Variants in DDHD1 observed in about 807,000 individuals in gnomAD.
DDHD1 encodes the protein phospholipase DDHD1.
A neutral mutation model predicts 96.4 loss-of-function variants in DDHD1; 49 were observed. The observed-to-expected ratio is 0.51, with a 90% CI of 0.40 to 0.64. The LOEUF (loss-of-function observed/expected upper bound fraction) is 0.64. Among genes scored for constraint, DDHD1 ranks in the 30% least tolerant of loss-of-function variants. The pLI, the probability that DDHD1 is intolerant of heterozygous loss-of-function variation, is 0.00. For synonymous variants in DDHD1, 442 were observed against 446.5 expected (o/e 0.99, Z 0.13); for missense variants, 1,106 against 1,161.2 (o/e 0.95, Z 0.69).
intron 1 of DDHD1, among the ~76,000 whole-genome samples, chr14:53,113,046 A>G (rs533453276): frequency 2.5e-4 from 38 of 151,878 alleles, no homozygotes; most frequent in African/African-American, 8.9e-4. Flanking sequence ...TGCAACCTCC[A>G]CCTCCCAGGT....
In DDHD1 at chr14:53,061,179, G is replaced by T. The variant is rs140385346; in HGVS notation, c.1789C>A (p.Leu597Ile). 1.2e-6 allele frequency: 2 copies of T among 1,611,168 alleles called. No individual in the cohort carries two copies. The highest frequency in any genetic ancestry group is 2.7e-5 in the African/African-American group (2 of 74,718). ...KRRLKEIEER[L>I]HGLKASSMTQ... ...ATAGATGATGCTTTCAATCCGTGAA[G>T]CCGTTCTTCTATTTCCTTCAGCCTA... The change falls in exon 8 of 13, where the codon CTT becomes ATT. Residue 597 changes from leucine to isoleucine, a missense_variant. By Grantham distance (5) the Leu-to-Ile change is conservative (BLOSUM62 2). Coordinates refer to ENST00000673822, the MANE Select transcript of DDHD1 (RefSeq NM_001160148.2).
At chr14:53,084,789 G>GC (rs1885787932) in intron 4 of DDHD1, among the ~76,000 whole-genome samples, 3 of 152,212 alleles carry the variant, frequency 2.0e-5, no homozygotes, top group Admixed American at 1.3e-4. Context: ...AGTGGGTGCA[G>GC]CCCATGGAGG....
intron 1 of DDHD1, among the ~76,000 whole-genome samples, chr14:53,132,712 TA>T: frequency 6.6e-6 from 1 of 152,308 alleles, no homozygotes; most frequent in Middle Eastern, 3.4e-3. Context: ...GCCTCTTTAA[TA>T]AAAACTCTTC....
chr14:53,118,292 C>G (rs1410581690), intron 1 of DDHD1, among the ~76,000 whole-genome samples: 3 of 152,130 alleles, frequency 2.0e-5, no homozygotes, highest in Non-Finnish European at 2.9e-5. Flanking sequence ...AGCAAGGGAA[C>G]AAAACTGGAT....
In DDHD1 at chr14:53,152,566, G is replaced by A. The variant is rs764639765; in HGVS notation, c.533C>T (p.Thr178Ile). The A allele has an allele frequency of 2.5e-6, 4 of 1,613,902 alleles. No individual in the cohort carries two copies. The South Asian group carries it at 3.3e-5, about 13-fold the overall frequency. ...VRWFYKEDKK[T>I]WKPFIGYDSL... ...GTCGTAGCCGATGAAGGGCTTCCAG[G>A]TCTTCTTGTCCTCCTTGTAGAACCA... is the stretch of plus-strand genomic sequence containing the variant. The change falls in exon 1 of 13, where the codon ACC becomes ATC. Residue 178 changes from threonine (T) to isoleucine (I), a missense_variant. Transcript: ENST00000673822.
rs753180724 is a variant in DDHD1, at chr14:53,073,696, A to G, written c.1396+45T>C. 5.9e-6 allele frequency: 9 copies of G among 1,514,302 alleles called. No individual in the cohort carries two copies. The Admixed American group carries it at 6.3e-5, about 11-fold the overall frequency. 93.8% of individuals were successfully genotyped at this position (1,514,302 alleles called of 1,614,324 possible). On this transcript the variant is annotated intron_variant, in intron 5 of 12. Coordinates refer to ENST00000673822, the MANE Select transcript of DDHD1 (RefSeq NM_001160148.2). ...AAAACTTTCTGCATTTATTTTGGTA[A>G]AAGTTTGCCATTGGCTAAATCATTC...
At chr14:53,066,922 G>A (rs1266298782) in intron 6 of DDHD1, among the ~76,000 whole-genome samples, 11 of 144,556 alleles carry the variant, frequency 7.6e-5, no homozygotes, top group Admixed American at 6.5e-4. Context: ...AGCTGAGATC[G>A]TACCACTGCA....
chr14:53,087,296 C>T (rs975788149), intron 4 of DDHD1, among the ~76,000 whole-genome samples: 11 of 152,116 alleles, frequency 7.2e-5, no homozygotes, highest in Admixed American at 2.6e-4. Context: ...GAACTCAGCT[C>T]TGCACCAAGC....
intron 6 of DDHD1, among the ~76,000 whole-genome samples, chr14:53,066,389 T>C (rs1322504036): frequency 6.6e-6 from 1 of 152,108 alleles, no homozygotes; most frequent in Non-Finnish European, 1.5e-5. Flanking sequence ...TGACCTCAAG[T>C]GATCTGCCTG....
At chr14:53,127,854 G>C (rs1260751821) in intron 1 of DDHD1, among the ~76,000 whole-genome samples, 3 of 152,172 alleles carry the variant, frequency 2.0e-5, no homozygotes, top group Admixed American at 6.5e-5. Context: ...GAGTTGTATA[G>C]TTGTATGAAC....
rs1188137442 is a variant in DDHD1 at position 53,045,897 on chromosome 14, G to C, written c.*871C>G. 3 of 152,128 alleles carry C rather than the reference G, an allele frequency of 2.0e-5. No individual in the cohort carries two copies. Among genetic ancestry groups the C allele is most frequent in the Non-Finnish European group, 4.4e-5 (3 of 68,030 alleles). The allele number at this position is 152,128 out of a possible 1,614,324, so 9.4% of individuals were successfully genotyped here. A position where few individuals can be genotyped will look rare whatever the true frequency, so the allele number is the denominator to read the frequency against. On this transcript the variant is annotated 3_prime_UTR_variant, in exon 13 of 13. Transcript: ENST00000673822. ...ACTACCTATTCAAAAGCATTTACTA[G>C]TTTTCTAATAAAGCTAATGAAATGT...
rs191908960 is a variant in DDHD1 at position 53,151,902 on chromosome 14, G to T, written c.838+359C>A. 5.7e-3 allele frequency among the ~76,000 whole-genome samples: 871 copies of T among 152,300 alleles called. 7 individuals are homozygous for T. Among genetic ancestry groups the T allele is most frequent in the African/African-American group, 0.02 (840 of 41,534 alleles). ...CTATTTAAATCATAGGCTGTTTAGG[G>T]TAAATGAGACAGAACCAGATCCCCA... On this transcript the variant is annotated intron_variant, in intron 1 of 12. Coordinates refer to ENST00000673822, the MANE Select transcript of DDHD1 (RefSeq NM_001160148.2).
chr14:53,107,107 C>T (rs1157112260), intron 1 of DDHD1, among the ~76,000 whole-genome samples: 1 of 152,106 alleles, frequency 6.6e-6, no homozygotes, highest in Non-Finnish European at 1.5e-5. Context: ...CATTCCAAGA[C>T]CCCCACTGGA....
At chr14:53,108,186 C>G (rs779723452) in intron 1 of DDHD1, among the ~76,000 whole-genome samples, 1 of 152,194 alleles carries the variant, frequency 6.6e-6, no homozygotes, top group African/African-American at 2.4e-5. Flanking sequence ...CCTCCGGATC[C>G]GGCAGGGTGT....
intron 4 of DDHD1, among the ~76,000 whole-genome samples, chr14:53,086,306 A>G (rs964728181): frequency 3.3e-5 from 5 of 152,204 alleles, no homozygotes; most frequent in African/African-American, 1.2e-4. Flanking sequence ...AGAGAACACC[A>G]CAAAGATACT....
rs1885393236 is a variant in DDHD1, at chr14:53,080,718, T to TCC, written c.1290-6872_1290-6871insGG. ...TAATTTCATTTCTTTTCCTTCCCCC[T>TCC]TTTTTTTTTTTTTTTTTTTGGAGAT... On this transcript the variant is annotated intron_variant, in intron 4 of 12. Coordinates refer to ENST00000673822, the MANE Select transcript of DDHD1 (RefSeq NM_001160148.2). Among the ~76,000 whole-genome samples the TCC allele has an allele frequency of 2.4e-5, 2 of 81,762 alleles. 1 individual carries two copies. The highest frequency in any genetic ancestry group is 5.6e-5 in the Non-Finnish European group (2 of 36,020). 53.6% of individuals were successfully genotyped at this position (81,762 alleles called of 152,430 possible).
chr14:53,128,192 C>T (rs1187828994), intron 1 of DDHD1, among the ~76,000 whole-genome samples: 2 of 152,184 alleles, frequency 1.3e-5, no homozygotes, highest in Non-Finnish European at 2.9e-5. Flanking sequence ...TCAATTAAAC[C>T]CCTTTCCTTT....
At chr14:53,132,118 C>A (rs1889908152) in intron 1 of DDHD1, among the ~76,000 whole-genome samples, 1 of 152,092 alleles carries the variant, frequency 6.6e-6, no homozygotes, top group African/African-American at 2.4e-5. Flanking sequence ...CTCCCCTTTC[C>A]ATTCTTTAAA....
chr14:53,037,062 T>C lies in DDHD1; in HGVS notation c.*9706A>G, dbSNP rs546846386. On this transcript the variant is annotated 3_prime_UTR_variant, in exon 13 of 13. Transcript: ENST00000673822. ...TTCTGTTCTTAATTTGCTTAGATTA[T>C]GGCTTCCAGCTGTATCCATGTGGCT... The C allele has an allele frequency of 4.3e-4, 66 of 152,268 alleles. No individual in the cohort carries two copies. Among genetic ancestry groups the C allele is most frequent in the African/African-American group, 1.5e-3 (63 of 41,566 alleles). The allele number at this position is 152,268 out of a possible 1,614,324, so 9.4% of individuals were successfully genotyped here. A position where few individuals can be genotyped will look rare whatever the true frequency, so the allele number is the denominator to read the frequency against.
Sources: gnomAD v4.1 joint callset for allele counts (sites outside exome capture counted in the v4.1 genomes callset) on GRCh38, gnomAD v4.1.1 for gene constraint, MANE v1.5 for transcripts, NCBI Gene and HGNC (gene_info 2026-07-23, HGNC 2026-07-21) for gene names.